Variants in ADGRB3 observed in about 807,000 individuals in gnomAD.
ADGRB3 encodes adhesion G protein-coupled receptor B3, also known as brain-specific angiogenesis inhibitor 3.
A neutral mutation model predicts 193.4 loss-of-function variants in ADGRB3; 37 were observed. The ratio of observed to expected loss-of-function variants is 0.19; its 90% confidence interval spans 0.15 to 0.25. ADGRB3 has a LOEUF of 0.25. ADGRB3 is among the 10% of genes least tolerant of loss of function. ADGRB3 has a pLI of 1.00. For missense variants in ADGRB3, 1,637 were observed against 1,852.9 expected, an observed-to-expected ratio of 0.88 and a Z score of 2.14; for synonymous variants, 690 against 644.2, an observed-to-expected ratio of 1.07 and a Z score of -1.08.
intron 21 of ADGRB3, among the ~76,000 whole-genome samples, chr6:69,327,299 T>A (rs1768596027): frequency 6.6e-6 from 1 of 152,174 alleles, no homozygotes; most frequent in African/African-American, 2.4e-5. Context: ...GTAATTGAAC[T>A]CCCTGTTTCT....
intron 3 of ADGRB3, among the ~76,000 whole-genome samples, chr6:68,787,174 G>A (rs1191208640): frequency 1.3e-5 from 2 of 152,160 alleles, no homozygotes; most frequent in Non-Finnish European, 2.9e-5. Context: ...GCCCTGGCCA[G>A]AACTTCCAAC....
At chr6:68,734,840 A>G (rs1445724655) in intron 3 of ADGRB3, among the ~76,000 whole-genome samples, 1 of 152,066 alleles carries the variant, frequency 6.6e-6, no homozygotes, top group Non-Finnish European at 1.5e-5. Flanking sequence ...TGACAATTAA[A>G]CTGATTTAAT....
In ADGRB3 at chr6:69,166,652, G is replaced by A. The variant is rs953534026; in HGVS notation, c.2481-66638G>A. Among the ~76,000 whole-genome samples the A allele has an allele frequency of 2.0e-5, 3 of 152,068 alleles. No individual in the cohort carries two copies. In the South Asian group the frequency reaches 6.2e-4, roughly 31 times the overall value. On this transcript the variant is annotated intron_variant, in intron 17 of 31. Transcript: ENST00000370598. ...CTTAATTTTCCAACAAATATTGAGTGCATCAATTTGCCACTCACTGTTGTA... is the reference window on the plus strand; with the variant it reads ...CTTAATTTTCCAACAAATATTGAGTACATCAATTTGCCACTCACTGTTGTA...
Position 68,808,388 on chromosome 6 carries a change from T to C in ADGRB3, c.758-122171T>C, listed in dbSNP as rs866051253. Among the ~76,000 whole-genome samples the C allele has an allele frequency of 9.9e-5, 15 of 151,284 alleles. 1 individual carries two copies. The South Asian group carries it at 1.5e-3, about 15-fold the overall frequency. On this transcript the variant is annotated intron_variant, in intron 3 of 31. Coordinates refer to ENST00000370598, the MANE Select transcript of ADGRB3 (RefSeq NM_001704.3). ...CAGGCTTGTTACCTCTTTACTCCAATAAGAAGGGGGAAAAAAGCAAACCTC... is the reference window on the plus strand; with the variant it reads ...CAGGCTTGTTACCTCTTTACTCCAACAAGAAGGGGGAAAAAAGCAAACCTC...
chr6:69,131,390 G>A (rs1302770150), intron 17 of ADGRB3, among the ~76,000 whole-genome samples: 1 of 145,000 alleles, frequency 6.9e-6, no homozygotes, highest in Non-Finnish European at 1.5e-5. Flanking sequence ...CACAGTTAAA[G>A]CACAAGGATT....
At chr6:68,752,806 GT>G (rs1191244305) in intron 3 of ADGRB3, among the ~76,000 whole-genome samples, 4 of 152,112 alleles carry the variant, frequency 2.6e-5, no homozygotes, top group Admixed American at 6.5e-5. Context: ...TTGATAGAAA[GT>G]TTTTTATGGG....
In ADGRB3 at chr6:69,297,694, G is replaced by A. The variant is rs1015768415; in HGVS notation, c.2815-27178G>A. 2.6e-5 allele frequency among the ~76,000 whole-genome samples: 4 copies of A among 151,930 alleles called. 1 individual carries two copies. The South Asian group carries it at 6.2e-4, about 24-fold the overall frequency. On this transcript the variant is annotated intron_variant, in intron 20 of 31. Coordinates refer to ENST00000370598, the MANE Select transcript of ADGRB3 (RefSeq NM_001704.3). Reference sequence around the variant, plus strand: ...GGTGAATATGTTGGTAATTTGCAAGGTTTTTTTAAATGGAGAAGTAGCCAA... The same window carrying A: ...GGTGAATATGTTGGTAATTTGCAAGATTTTTTTAAATGGAGAAGTAGCCAA...
At chr6:69,069,348 C>T (rs1772003551) in intron 16 of ADGRB3, among the ~76,000 whole-genome samples, 1 of 151,808 alleles carries the variant, frequency 6.6e-6, no homozygotes, top group South Asian at 2.1e-4. Flanking sequence ...CACTGATCAA[C>T]TATTAGCGGA....
chr6:69,184,358 T>A (rs1220582911), intron 17 of ADGRB3, among the ~76,000 whole-genome samples: 1 of 152,072 alleles, frequency 6.6e-6, no homozygotes, highest in African/African-American at 2.4e-5. Context: ...AAGTGCAGTT[T>A]TTCTTCCCTC....
chr6:68,685,369 T>C (rs1032014754), intron 3 of ADGRB3, among the ~76,000 whole-genome samples: 1 of 151,904 alleles, frequency 6.6e-6, no homozygotes, highest in African/African-American at 2.4e-5. Context: ...AAGAGAGAAC[T>C]TTGAGAAATT....
intron 3 of ADGRB3, among the ~76,000 whole-genome samples, chr6:68,861,966 A>G (rs538366134): frequency 3.3e-5 from 5 of 152,250 alleles, no homozygotes; most frequent in African/African-American, 1.2e-4. Context: ...TTTAACCATT[A>G]TTGTCATTAT....
At chr6:68,844,732 A>G (rs539666604) in intron 3 of ADGRB3, among the ~76,000 whole-genome samples, 1 of 152,176 alleles carries the variant, frequency 6.6e-6, no homozygotes, top group Admixed American at 6.5e-5. Context: ...CCATCAGCAG[A>G]CAAAAATGGA....
At chr6:68,793,098 C>T (rs1377034367) in intron 3 of ADGRB3, among the ~76,000 whole-genome samples, 5 of 151,864 alleles carry the variant, frequency 3.3e-5, no homozygotes, top group East Asian at 1.9e-4. Flanking sequence ...ATTCAGTTTG[C>T]GATCCTGATA....
At chr6:69,308,162 T>C (rs1343677938) in intron 20 of ADGRB3, among the ~76,000 whole-genome samples, 1 of 151,422 alleles carries the variant, frequency 6.6e-6, no homozygotes, top group African/African-American at 2.4e-5. Flanking sequence ...CTGGAATAAA[T>C]CAAACTGCGT....
chr6:68,785,810 C>T (rs1030114153), intron 3 of ADGRB3, among the ~76,000 whole-genome samples: 1 of 152,150 alleles, frequency 6.6e-6, no homozygotes, highest in African/African-American at 2.4e-5. Flanking sequence ...ACATCCTCTC[C>T]AGCACCTGTT....
At chr6:68,940,545 A>G (rs1226508293) in intron 5 of ADGRB3, among the ~76,000 whole-genome samples, 1 of 27,930 alleles carries the variant, frequency 3.6e-5, no homozygotes, top group East Asian at 5.4e-4. Context: ...AATGCTTTTG[A>G]ACTTTTTTTT....
intron 3 of ADGRB3, among the ~76,000 whole-genome samples, chr6:68,921,519 C>T (rs12191891): frequency 0.63 from 96,383 of 151,862 alleles, 32,004 homozygotes; most frequent in Middle Eastern, 0.81. Flanking sequence ...CTAAACACTT[C>T]GGTGGGGGGT....
chr6:69,082,787 A>G (rs890429339), intron 17 of ADGRB3, among the ~76,000 whole-genome samples: 56 of 152,022 alleles, frequency 3.7e-4, no homozygotes, highest in African/African-American at 1.2e-3. Context: ...ATTTCTTCCA[A>G]TTCTCACTCA....
chr6:69,188,741 T>C (rs1765118231), intron 17 of ADGRB3, among the ~76,000 whole-genome samples: 1 of 152,242 alleles, frequency 6.6e-6, no homozygotes, highest in Non-Finnish European at 1.5e-5. Flanking sequence ...TCTATGTGTC[T>C]GGGCTTAATA....
Sources: allele counts gnomAD v4.1 joint callset (sites outside exome capture counted in the v4.1 genomes callset), GRCh38; gene constraint gnomAD v4.1.1; transcripts MANE v1.5; gene names NCBI Gene and HGNC (gene_info 2026-07-23, HGNC 2026-07-21).